The following RNF169 variants were observed in gnomAD, a reference collection of about 807,000 sequenced individuals.
The protein encoded by RNF169 is E3 ubiquitin-protein ligase RNF169.
RNF169 carries 24 observed loss-of-function variants against 53.9 expected under a neutral mutation model. That is an observed-to-expected ratio of 0.45 (90% CI 0.32 to 0.63). RNF169 has a LOEUF of 0.63. RNF169 is among the 20% of genes least tolerant of loss of function. The pLI, the probability that RNF169 is intolerant of heterozygous loss-of-function variation, is 0.04. For synonymous variants in RNF169, 396 were observed against 363.5 expected (o/e 1.09, Z -1.02); for missense variants, 883 against 906.2 (o/e 0.97, Z 0.33).
At position 74,784,818 on chromosome 11, in the gene RNF169, G is replaced by C. The variant is rs137920647; in HGVS notation, c.503-4808G>C. On this transcript the variant is annotated intron_variant, in intron 1 of 5. Transcript: ENST00000299563. ...TAGGCACCAGCCAAGGGCAAGCCTT[G>C]GAAGCAGGCCTTTTTAAGGATAGAC... 6.0e-4 allele frequency among the ~76,000 whole-genome samples: 92 copies of C among 152,278 alleles called. 1 individual carries two copies. Among genetic ancestry groups the C allele is most frequent in the Admixed American group, 4.1e-3 (63 of 15,300 alleles).
At chr11:74,829,699 T>A (rs933922430) in intron 4 of RNF169, among the ~76,000 whole-genome samples, 2 of 152,198 alleles carry the variant, frequency 1.3e-5, no homozygotes, top group Non-Finnish European at 2.9e-5. Flanking sequence ...TGCAGGGGCA[T>A]GGATGGAGCT....
At chr11:74,776,511 CAAAAAA>C (rs766527055) in intron 1 of RNF169, among the ~76,000 whole-genome samples, 14 of 82,014 alleles carry the variant, frequency 1.7e-4, no homozygotes, top group African/African-American at 4.1e-4. Flanking sequence ...TTCATTCAGC[CAAAAAA>C]AAAAAAAAAA....
In RNF169 at chr11:74,835,816, C is replaced by G. The variant is rs373095492; in HGVS notation, c.1213C>G (p.Leu405Val). The G allele has an allele frequency of 3.1e-6, 5 of 1,614,200 alleles. No homozygotes were observed. The highest frequency in any genetic ancestry group is 4.2e-6 in the Non-Finnish European group (5 of 1,180,038). Reference protein sequence around the residue: ...RLPDGRVLSPLIIKSTPRNLN... With the variant: ...RLPDGRVLSPVIIKSTPRNLN... ...CCCTGATGGCCGTGTGCTAAGTCCT[C>G]TCATCATCAAATCAACTCCACGCAA... The change falls in exon 6 of 6, where the codon CTC becomes GTC. Residue 405 changes from leucine (L) to valine (V), a missense_variant. Physicochemically the swap from Leu to Val is conservative, Grantham distance 32. Transcript: ENST00000299563.
chr11:74,806,856 G>A (rs1424151758), intron 2 of RNF169, among the ~76,000 whole-genome samples: 9 of 151,894 alleles, frequency 5.9e-5, no homozygotes, highest in Admixed American at 4.6e-4. Context: ...TGATCTTGGT[G>A]GTGGTGAATG....
chr11:74,781,738 A>G (rs1591401156), intron 1 of RNF169, among the ~76,000 whole-genome samples: 1 of 152,032 alleles, frequency 6.6e-6, no homozygotes, highest in South Asian at 2.1e-4. Flanking sequence ...AGGCTCATAC[A>G]TATATATAAG....
At chr11:74,779,873 G>C (rs554181378) in intron 1 of RNF169, among the ~76,000 whole-genome samples, 1 of 152,204 alleles carries the variant, frequency 6.6e-6, no homozygotes, top group East Asian at 1.9e-4. Flanking sequence ...TTTTGGAGAT[G>C]GGGTTTCCCT....
Position 74,836,212 on chromosome 11 carries a change from G to C in RNF169, c.1609G>C (p.Gly537Arg). ...CTGCTGTTCCTCAGAACTCAAAGGG[G>C]GAGGCAGTGGGACTTCTTTGGAGAG... ...ETCCSSELKG[G>R]GSGTSLEREQ... The change falls in exon 6 of 6, where the codon GGA becomes CGA. Residue 537 changes from glycine (G) to arginine (R), a missense_variant. By Grantham distance (125) the Gly-to-Arg change is moderately radical (BLOSUM62 -2). Coordinates refer to ENST00000299563, the MANE Select transcript of RNF169 (RefSeq NM_001098638.2). The C allele has an allele frequency of 6.2e-7, 1 of 1,614,178 alleles. No homozygotes were observed. Among genetic ancestry groups the C allele is most frequent in the Non-Finnish European group, 8.5e-7 (1 of 1,180,036 alleles).
Position 74,782,918 on chromosome 11 carries a change from T to C in RNF169, c.503-6708T>C, listed in dbSNP as rs182232517. On this transcript the variant is annotated intron_variant, in intron 1 of 5. Transcript: ENST00000299563. Reference sequence around the variant, plus strand: ...TCATGTGCAAAGAGGTTTTTTTTTTTTTTTTTTAATTTGTTCAAAGACAAA... The same window carrying C: ...TCATGTGCAAAGAGGTTTTTTTTTTCTTTTTTTAATTTGTTCAAAGACAAA... Among the ~76,000 whole-genome samples the C allele has an allele frequency of 8.6e-4, 131 of 151,942 alleles. 2 individuals are homozygous for C. The highest frequency in any genetic ancestry group is 7.5e-3 in the Admixed American group (115 of 15,278).
chr11:74,762,441 A>G (rs1459472781), intron 1 of RNF169, among the ~76,000 whole-genome samples: 3 of 151,968 alleles, frequency 2.0e-5, no homozygotes, highest in Non-Finnish European at 4.4e-5. Context: ...GGTTTTATCT[A>G]CTTTTGGTCT....
At chr11:74,784,355 C>T (rs371940987) in intron 1 of RNF169, among the ~76,000 whole-genome samples, 5 of 152,258 alleles carry the variant, frequency 3.3e-5, no homozygotes, top group African/African-American at 1.2e-4. Context: ...TCCAAGACCA[C>T]CCACAGGTTC....
chr11:74,766,898 ATAACAAAATCACACAAGT>A (rs919677966), intron 1 of RNF169, among the ~76,000 whole-genome samples: 5 of 152,352 alleles, frequency 3.3e-5, no homozygotes, highest in South Asian at 4.1e-4. Flanking sequence ...TTACAACTTG[ATAACAAAATCACACAAGT>A]TAACAAAATC....
At chr11:74,780,960 A>G (rs1490057580) in intron 1 of RNF169, among the ~76,000 whole-genome samples, 1 of 152,192 alleles carries the variant, frequency 6.6e-6, no homozygotes, top group Non-Finnish European at 1.5e-5. Flanking sequence ...AAGAGAAGAG[A>G]TGTATAGCCT....
At chr11:74,826,102 G>A (rs1005615265) in intron 4 of RNF169, among the ~76,000 whole-genome samples, 1 of 152,144 alleles carries the variant, frequency 6.6e-6, no homozygotes, top group Non-Finnish European at 1.5e-5. Flanking sequence ...GAGGTGGGTG[G>A]ATTACTTGAA....
At position 74,835,554 on chromosome 11, in the gene RNF169, T is replaced by G; in HGVS notation, c.951T>G (p.Thr317=). The G allele has an allele frequency of 6.2e-7, 1 of 1,613,366 alleles. No homozygotes were observed. The highest frequency in any genetic ancestry group is 8.5e-7 in the Non-Finnish European group (1 of 1,179,412). Residue 317 remains threonine, a synonymous_variant, in exon 6 of 6, where the codon ACT becomes ACG. Transcript: ENST00000299563. ...AVPGNKAKVT[T]MTPASNPIIG... ...TTTTTAATCTCTTTCAGGTCACAACTATGACTCCAGCCTCCAACCCCATCA... is the reference window on the plus strand; with the variant it reads ...TTTTTAATCTCTTTCAGGTCACAACGATGACTCCAGCCTCCAACCCCATCA...
Position 74,835,961 on chromosome 11 carries a change from C to G in RNF169, c.1358C>G (p.Thr453Ser), listed in dbSNP as rs770906108. 6.2e-7 allele frequency: 1 copy of G among 1,614,182 alleles called. No individual in the cohort carries two copies. Among genetic ancestry groups the G allele is most frequent in the Non-Finnish European group, 8.5e-7 (1 of 1,180,036 alleles). ...IKKTLSKATL[T>S]SLAPEMGEEL... ...AAGACCCTTTCAAAAGCCACTCTTA[C>G]CTCTCTGGCTCCTGAAATGGGGGAA... The change falls in exon 6 of 6, where the codon ACC becomes AGC. Residue 453 changes from threonine to serine, a missense_variant. Physicochemically the swap from Thr to Ser is moderately conservative, Grantham distance 58. Around this residue, in one of 3 missense-constraint regions of RNF169, gnomAD observed 351 missense variants for 337.3 expected, o/e 1.04. Transcript: ENST00000299563.
At chr11:74,767,809 C>G (rs1184277756) in intron 1 of RNF169, among the ~76,000 whole-genome samples, 1 of 151,946 alleles carries the variant, frequency 6.6e-6, no homozygotes, top group African/African-American at 2.4e-5. Context: ...AATCTCCTGA[C>G]CTCGTGATCC....
chr11:74,810,713 T>C (rs1026964425), intron 3 of RNF169, among the ~76,000 whole-genome samples: 5 of 152,234 alleles, frequency 3.3e-5, no homozygotes, highest in African/African-American at 1.2e-4. Context: ...TACTTTCCTT[T>C]ATTTGTTGTA....
intron 4 of RNF169, among the ~76,000 whole-genome samples, chr11:74,825,314 A>C (rs935403039): frequency 6.6e-6 from 1 of 152,238 alleles, no homozygotes. Flanking sequence ...AAAATTAACA[A>C]ATATGTGGAA....
At chr11:74,835,036 G>A (rs560022138) in intron 5 of RNF169, among the ~76,000 whole-genome samples, 41 of 152,200 alleles carry the variant, frequency 2.7e-4, no homozygotes, top group Non-Finnish European at 4.9e-4. Flanking sequence ...AGGCTGGTGT[G>A]CAGTGGTGCA....
Sources: gnomAD v4.1 joint callset for allele counts (sites outside exome capture counted in the v4.1 genomes callset) on GRCh38, gnomAD v4.1.1 for gene constraint, gnomAD v4.1.1 regional missense constraint, MANE v1.5 for transcripts, NCBI Gene and HGNC (gene_info 2026-07-23, HGNC 2026-07-21) for gene names.